VPS54: variants seen among roughly 807,000 people sequenced by gnomAD.
VPS54 encodes the protein vacuolar protein sorting-associated protein 54.
Under a neutral mutation model 121.5 loss-of-function variants are expected in VPS54, and 45 were observed. The observed-to-expected ratio is 0.37, with a 90% confidence interval of 0.29 to 0.47. The LOEUF is 0.47. VPS54 is among the 20% of genes least tolerant of loss of function. The pLI is 0.99. For missense variants in VPS54, 1,090 were observed against 1,131.4 expected (o/e 0.96, Z 0.52); for synonymous variants, 371 against 385.8 (o/e 0.96, Z 0.45).
chr2:63,909,860 G>A (rs575135367), intron 20 of VPS54, among the ~76,000 whole-genome samples: 1 of 151,590 alleles, frequency 6.6e-6, no homozygotes, highest in East Asian at 1.9e-4. Context: ...GAGTAGCTGG[G>A]ATTACAGGTG....
intron 17 of VPS54, 94 bp from the exon 18 acceptor site, chr2:63,913,404 CT>C: frequency 1.2e-6 from 1 of 814,076 alleles, no homozygotes; most frequent in Non-Finnish European, 1.9e-6. Flanking sequence ...TTCCCCTTTC[CT>C]CTCATTCAAT....
At chr2:63,950,818 C>A (rs1311301163) in intron 7 of VPS54, among the ~76,000 whole-genome samples, 1 of 152,060 alleles carries the variant, frequency 6.6e-6, no homozygotes, top group Non-Finnish European at 1.5e-5. Context: ...CTTTTGTCTG[C>A]ATTAAAACCT....
rs1675037117 is a variant in VPS54, at chr2:63,947,494, TTAAAA to T, written c.1138-9_1138-5del. ...ATACAAGAGATATTAGTCTTTCCTGTTAAAATAAAAGTATGTAACTTGACATTTTA... is the reference window on the plus strand; with the variant it reads ...ATACAAGAGATATTAGTCTTTCCTGTTAAAAGTATGTAACTTGACATTTTA... On this transcript the variant is annotated splice_region_variant and splice_polypyrimidine_tract_variant and intron_variant, in intron 8 of 22. Coordinates refer to ENST00000272322, the MANE Select transcript of VPS54 (RefSeq NM_016516.3). 1.3e-6 allele frequency: 2 copies of T among 1,491,030 alleles called. No individual in the cohort carries two copies. Among genetic ancestry groups the T allele is most frequent in the African/African-American group, 1.4e-5 (1 of 70,906 alleles). 92.4% of individuals were successfully genotyped at this position (1,491,030 alleles called of 1,614,324 possible). A position where few individuals can be genotyped will look rare whatever the true frequency, so the allele number is the denominator to read the frequency against.
chr2:63,933,120 T>C (rs1674290950), intron 12 of VPS54, among the ~76,000 whole-genome samples: 1 of 152,142 alleles, frequency 6.6e-6, no homozygotes, highest in Non-Finnish European at 1.5e-5. Context: ...TGGATGAAGG[T>C]TATATGAGAG....
At chr2:63,978,538 T>G (rs900834312) in intron 3 of VPS54, among the ~76,000 whole-genome samples, 2 of 152,212 alleles carry the variant, frequency 1.3e-5, no homozygotes, top group African/African-American at 4.8e-5. Flanking sequence ...AGTGAAGCCA[T>G]GTGGATCTGA....
intron 20 of VPS54, among the ~76,000 whole-genome samples, chr2:63,909,277 A>C (rs2104424278): frequency 6.6e-6 from 1 of 152,332 alleles, no homozygotes; most frequent in Non-Finnish European, 1.5e-5. Context: ...GATACTGAAC[A>C]AAACAGTTTA....
intron 3 of VPS54, among the ~76,000 whole-genome samples, chr2:63,978,766 C>T (rs571462461): frequency 5.9e-5 from 9 of 151,922 alleles, no homozygotes; most frequent in Admixed American, 2.6e-4. Flanking sequence ...ACTACAGGCG[C>T]GCACCACCAC....
At chr2:63,934,154 T>A (rs753804774) in intron 11 of VPS54, 141 bp from the exon 12 acceptor site, 2 of 713,076 alleles carry the variant, frequency 2.8e-6, no homozygotes, top group Non-Finnish European at 4.5e-6. Flanking sequence ...TTTCTACCGA[T>A]CTTTTATTAC....
intron 1 of VPS54, among the ~76,000 whole-genome samples, chr2:63,984,457 T>C (rs1676947765): frequency 6.6e-6 from 1 of 152,156 alleles, no homozygotes; most frequent in Admixed American, 6.5e-5. Flanking sequence ...ATCAGTGAAA[T>C]GGAGATGAAA....
intron 1 of VPS54, among the ~76,000 whole-genome samples, chr2:63,991,076 C>T (rs569380086): frequency 1.7e-4 from 26 of 152,338 alleles, no homozygotes; most frequent in African/African-American, 5.5e-4. Flanking sequence ...GCTCAGCTCA[C>T]AGGCTCCGAT....
At chr2:63,935,346 T>C (rs1470989611) in intron 11 of VPS54, among the ~76,000 whole-genome samples, 2 of 152,172 alleles carry the variant, frequency 1.3e-5, no homozygotes, top group Non-Finnish European at 2.9e-5. Flanking sequence ...AGGACCAAAG[T>C]GTCTACTATG....
chr2:63,981,932 G>C (rs966542456), intron 2 of VPS54, 45 bp from the exon 3 acceptor site: 1 of 1,560,854 alleles, frequency 6.4e-7, no homozygotes, highest in South Asian at 1.2e-5. Context: ...TGTAAAATTG[G>C]TTCTATGTTT....
At chr2:63,998,143 T>G (rs1255025976) in intron 1 of VPS54, among the ~76,000 whole-genome samples, 1 of 152,250 alleles carries the variant, frequency 6.6e-6, no homozygotes, top group East Asian at 1.9e-4. Flanking sequence ...GGTGCATATA[T>G]ATTTACAATT....
intron 8 of VPS54, among the ~76,000 whole-genome samples, chr2:63,948,485 C>A (rs1475336234): frequency 7.5e-6 from 1 of 133,410 alleles, no homozygotes; most frequent in East Asian, 2.5e-4. Flanking sequence ...CAGCCTCAAA[C>A]TCCTGGACTC....
At chr2:63,936,361 C>T (rs80042246) in intron 11 of VPS54, among the ~76,000 whole-genome samples, 1 of 150,930 alleles carries the variant, frequency 6.6e-6, no homozygotes, top group Non-Finnish European at 1.5e-5. Context: ...ATACATAATA[C>T]TTTCAACAGT....
intron 11 of VPS54, among the ~76,000 whole-genome samples, chr2:63,938,059 G>GGTGTGTGTGGTGTGTGTGTGT (rs1553475196): frequency 9.8e-4 from 138 of 140,470 alleles, no homozygotes; most frequent in African/African-American, 3.1e-3. Context: ...TGGTGTGTGT[G>GGTGTGTGTGGTGTGTGTGTGT]GTGTGTGTGT....
intron 7 of VPS54, among the ~76,000 whole-genome samples, chr2:63,959,468 G>T (rs1675650302): frequency 6.6e-6 from 1 of 152,100 alleles, no homozygotes; most frequent in South Asian, 2.1e-4. Context: ...CATTTGATAG[G>T]AAACTTTACA....
At chr2:64,009,001 C>T (rs2104698307) in intron 1 of VPS54, among the ~76,000 whole-genome samples, 1 of 152,316 alleles carries the variant, frequency 6.6e-6, no homozygotes, top group Non-Finnish European at 1.5e-5. Flanking sequence ...AACTTGATTT[C>T]AGACCATTCA....
chr2:63,923,857 T>C (rs780960949), intron 12 of VPS54, among the ~76,000 whole-genome samples: 1 of 152,250 alleles, frequency 6.6e-6, no homozygotes, highest in Non-Finnish European at 1.5e-5. Context: ...TATTTTTGCA[T>C]GTTCTATATC....
Sources: gnomAD v4.1 joint callset for allele counts (sites outside exome capture counted in the v4.1 genomes callset) on GRCh38, gnomAD v4.1.1 for gene constraint, MANE v1.5 for transcripts, NCBI Gene and HGNC (gene_info 2026-07-23, HGNC 2026-07-21) for gene names.